CALN1: variants seen among roughly 807,000 people sequenced by gnomAD.
CALN1 encodes the protein calneuron 1.
A neutral mutation model predicts 30.6 loss-of-function variants in CALN1; 17 were observed. The ratio of observed to expected loss-of-function variants is 0.56; its 90% confidence interval spans 0.38 to 0.83. CALN1 has a LOEUF of 0.83. CALN1 is among the 40% of genes least tolerant of loss of function. CALN1 has a pLI of 0.00. For synonymous variants in CALN1, 156 were observed against 131.4 expected, an observed-to-expected ratio of 1.19 and a Z score of -1.28; for missense variants, 291 against 354.9, an observed-to-expected ratio of 0.82 and a Z score of 1.45.
At chr7:72,227,236 TAA>T (rs34824953) in intron 3 of CALN1, among the ~76,000 whole-genome samples, 3,826 of 143,942 alleles carry the variant, frequency 0.027, 142 homozygotes, top group African/African-American at 0.087. Flanking sequence ...ATTAAAAGCT[TAA>T]AAAAAAAAAA....
intron 3 of CALN1, among the ~76,000 whole-genome samples, chr7:72,148,876 G>T (rs900672419): frequency 6.7e-6 from 1 of 149,956 alleles, no homozygotes; most frequent in African/African-American, 2.5e-5. Flanking sequence ...TGCACTCCAG[G>T]CTGGGTGACA....
intron 2 of CALN1, among the ~76,000 whole-genome samples, chr7:72,329,765 C>A (rs755703751): frequency 3.3e-5 from 5 of 151,434 alleles, no homozygotes; most frequent in Non-Finnish European, 5.9e-5. Context: ...ACCAGCGCGG[C>A]CAACATGGTG....
chr7:71,804,559 C>T (rs1440910561), intron 6 of CALN1, among the ~76,000 whole-genome samples: 1 of 152,212 alleles, frequency 6.6e-6, no homozygotes, highest in Non-Finnish European at 1.5e-5. Flanking sequence ...TGGCTCATGC[C>T]TGTATTTCCA....
chr7:72,310,507 C>T lies in CALN1; in HGVS notation c.120-31697G>A, dbSNP rs912135575. ...TCTGTGGTTATAATATTGACATCAC[C>T]CTAGTGCCATTTAGATAATACCTTG... On this transcript the variant is annotated intron_variant, in intron 2 of 6. Coordinates refer to ENST00000395275, the MANE Select transcript of CALN1 (RefSeq NM_031468.4). Among the ~76,000 whole-genome samples the T allele has an allele frequency of 2.0e-5, 3 of 151,556 alleles. No homozygotes were observed. The East Asian group carries it at 5.8e-4, about 29-fold the overall frequency.
At chr7:72,231,675 C>T (rs1794115357) in intron 3 of CALN1, among the ~76,000 whole-genome samples, 1 of 152,126 alleles carries the variant, frequency 6.6e-6, no homozygotes, top group Non-Finnish European at 1.5e-5. Flanking sequence ...ATAAATGAAA[C>T]TTTCTCATAC....
chr7:71,787,814 C>G lies in CALN1; in HGVS notation c.747G>C (p.Leu249=), dbSNP rs747080980. ...FAMAFIISVM[L]IAANQILRSG... Reference sequence around the variant, plus strand: ...TCCGGAGTATCTGGTTGGCTGCAATCAGCATGACACTGATGATGAAGGCCA... The same window carrying G: ...TCCGGAGTATCTGGTTGGCTGCAATGAGCATGACACTGATGATGAAGGCCA... The change falls in exon 7 of 7, where the codon CTG becomes CTC. Residue 249 remains leucine, a synonymous_variant. Coordinates refer to ENST00000395275, the MANE Select transcript of CALN1 (RefSeq NM_031468.4). 5.5e-5 allele frequency: 89 copies of G among 1,614,018 alleles called. No homozygotes were observed. Among genetic ancestry groups the G allele is most frequent in the Non-Finnish European group, 6.6e-5 (78 of 1,180,060 alleles).
intron 3 of CALN1, 70 bp downstream of exon 3, chr7:72,278,616 G>C (rs571777059): frequency 4.4e-5 from 70 of 1,579,816 alleles, no homozygotes; most frequent in Middle Eastern, 3.5e-4. Flanking sequence ...GCTTTCAATT[G>C]AGCTTCACAA....
At chr7:71,965,465 G>T (rs957544974) in intron 5 of CALN1, among the ~76,000 whole-genome samples, 1 of 152,190 alleles carries the variant, frequency 6.6e-6, no homozygotes, top group Non-Finnish European at 1.5e-5. Context: ...CCTCTCACTT[G>T]CAGATGACAT....
At chr7:71,844,005 G>T (rs914733626) in intron 5 of CALN1, among the ~76,000 whole-genome samples, 3 of 151,902 alleles carry the variant, frequency 2.0e-5, no homozygotes, top group Non-Finnish European at 4.4e-5. Flanking sequence ...GTGACTTTTT[G>T]GTTGATTTGC....
rs190076963 is a variant in CALN1 at position 72,377,101 on chromosome 7, A to G, written c.119+26150T>C. ...GTTTTGACTACTGTAGCCTTGTAGT[A>G]AGTTTTGAAATCAGAAAGTGAGTCC... On this transcript the variant is annotated intron_variant, in intron 2 of 6. Transcript: ENST00000395275. Among the ~76,000 whole-genome samples the G allele has an allele frequency of 4.0e-3, 607 of 152,290 alleles. 7 individuals are homozygous for G. The highest frequency in any genetic ancestry group is 0.013 in the Admixed American group (194 of 15,290).
intron 5 of CALN1, among the ~76,000 whole-genome samples, chr7:71,827,771 T>TAAAAAAAAAA (rs1554347602): frequency 1.0e-5 from 1 of 96,842 alleles, no homozygotes; most frequent in African/African-American, 3.4e-5. Context: ...GACTCCATCT[T>TAAAAAAAAAA]AAAAAAATAA....
At chr7:72,286,790 G>A (rs1276972442) in intron 2 of CALN1, among the ~76,000 whole-genome samples, 4 of 152,196 alleles carry the variant, frequency 2.6e-5, no homozygotes, top group Non-Finnish European at 2.9e-5. Flanking sequence ...TGCATCATTA[G>A]AGAAGGAAGA....
chr7:72,121,734 A>G (rs1320763008), intron 3 of CALN1, among the ~76,000 whole-genome samples: 1 of 148,678 alleles, frequency 6.7e-6, no homozygotes, highest in Non-Finnish European at 1.5e-5. Flanking sequence ...TATAATAAAA[A>G]TGTTTTGATT....
At chr7:72,284,731 C>T (rs1442169587) in intron 2 of CALN1, among the ~76,000 whole-genome samples, 3 of 152,140 alleles carry the variant, frequency 2.0e-5, no homozygotes, top group South Asian at 2.1e-4. Context: ...CTTCAGCTTG[C>T]TGACAGCAGA....
At chr7:72,380,540 T>C (rs1015090909) in intron 2 of CALN1, among the ~76,000 whole-genome samples, 2 of 152,174 alleles carry the variant, frequency 1.3e-5, no homozygotes, top group African/African-American at 4.8e-5. Context: ...GGAGGATCGC[T>C]TGAGCCCATG....
intron 1 of CALN1, among the ~76,000 whole-genome samples, chr7:72,405,183 G>A (rs187263462): frequency 2.6e-5 from 4 of 152,184 alleles, no homozygotes; most frequent in East Asian, 3.9e-4. Flanking sequence ...GGATCTCAAA[G>A]ACACCTTAAA....
chr7:71,889,544 G>C (rs534720297), intron 5 of CALN1, among the ~76,000 whole-genome samples: 2 of 152,012 alleles, frequency 1.3e-5, no homozygotes, highest in African/African-American at 4.8e-5. Context: ...ACCACATCCC[G>C]AAAGGCCCCG....
intron 3 of CALN1, among the ~76,000 whole-genome samples, chr7:72,112,212 A>C (rs1257833456): frequency 6.6e-6 from 1 of 152,142 alleles, no homozygotes; most frequent in African/African-American, 2.4e-5. Flanking sequence ...GCATCAGATA[A>C]AGTCCAGACA....
Position 71,922,948 on chromosome 7 carries a change from A to G in CALN1, c.501+100709T>C, listed in dbSNP as rs1326471128. 2.0e-5 allele frequency among the ~76,000 whole-genome samples: 3 copies of G among 149,130 alleles called. No homozygotes were observed. The East Asian group carries it at 5.8e-4, about 29-fold the overall frequency. Reference sequence around the variant, plus strand: ...CAATGTGTGCTTATAGATATATGATATGTACATATATAGATCTATGTATCC... The same window carrying G: ...CAATGTGTGCTTATAGATATATGATGTGTACATATATAGATCTATGTATCC... On this transcript the variant is annotated intron_variant, in intron 5 of 6. Coordinates refer to ENST00000395275, the MANE Select transcript of CALN1 (RefSeq NM_031468.4).
Sources: gnomAD v4.1 joint callset for allele counts (sites outside exome capture counted in the v4.1 genomes callset) on GRCh38, gnomAD v4.1.1 for gene constraint, MANE v1.5 for transcripts, NCBI Gene and HGNC (gene_info 2026-07-23, HGNC 2026-07-21) for gene names.